Variants in DNAH1 observed in about 807,000 individuals in gnomAD.
The protein encoded by DNAH1 is dynein axonemal heavy chain 1.
A neutral mutation model predicts 484.3 loss-of-function variants in DNAH1; 327 were observed. That is an observed-to-expected ratio of 0.68 (90% confidence interval 0.62 to 0.74). The LOEUF is 0.74. Ranked by LOEUF, DNAH1 falls within the 30% of genes least tolerant of loss-of-function variation. The pLI is 0.00. For synonymous variants in DNAH1, 2,192 were observed against 2,191.9 expected, an observed-to-expected ratio of 1.00 and a Z score of 0.00; for missense variants, 5,052 against 5,546.8, an observed-to-expected ratio of 0.91 and a Z score of 2.83.
chr3:52,365,209 C>A (rs924696601), intron 34 of DNAH1, among the ~76,000 whole-genome samples, 190 bp downstream of exon 34: 4 of 152,222 alleles, frequency 2.6e-5, no homozygotes, highest in Non-Finnish European at 4.4e-5. Context: ...TCCACCAAAA[C>A]CCGCCTGGTG....
chr3:52,325,158 A>T (rs1321382267), intron 3 of DNAH1, among the ~76,000 whole-genome samples: 2 of 152,128 alleles, frequency 1.3e-5, no homozygotes, highest in African/African-American at 2.4e-5. Flanking sequence ...CAGCCTGGTG[A>T]GAGCAGACTC....
At position 52,388,183 on chromosome 3, in the gene DNAH1, T is replaced by C; in HGVS notation, c.9020T>C (p.Val3007Ala). ...FKFDKDNIGD[V>A]VIKAIQPYID... ...CCACCTCAGGACAACATTGGGGATG[T>C]GGTGATCAAAGCCATCCAGCCGTAC... is the stretch of plus-strand genomic sequence containing the variant. The change falls in exon 57 of 78, where the codon GTG becomes GCG. Residue 3007 changes from valine to alanine, a missense_variant. Val to Ala is a moderately conservative substitution (Grantham distance 64). This residue lies in a region of DNAH1 where 2,929 missense variants were observed against 3,409.4 expected (regional missense o/e 0.86). Coordinates refer to ENST00000420323, the MANE Select transcript of DNAH1 (RefSeq NM_015512.5). 6.2e-7 allele frequency: 1 copy of C among 1,609,592 alleles called. No homozygotes were observed. Among genetic ancestry groups the C allele is most frequent in the Non-Finnish European group, 8.5e-7 (1 of 1,178,146 alleles).
In DNAH1 at chr3:52,372,233, T is replaced by A; in HGVS notation, c.6673T>A (p.Cys2225Ser). ...MLLTNKKPVL[C>S]IGPTGTGKTL... The stretch of plus-strand genomic sequence containing the variant: ...GCCATCCCCGCTCTGCCAGGTGCTG[T>A]GCATTGGGCCAACAGGCACGGGGAA... Residue 2225 changes from cysteine (C) to serine (S), a missense_variant, in exon 43 of 78, where the codon TGC (cysteine) becomes AGC (serine). Around this residue, in one of 4 missense-constraint regions of DNAH1, gnomAD observed 2,929 missense variants for 3,409.4 expected, o/e 0.86. Coordinates refer to ENST00000420323, the MANE Select transcript of DNAH1 (RefSeq NM_015512.5). 6.2e-7 allele frequency: 1 copy of A among 1,613,878 alleles called. No homozygotes were observed. Among genetic ancestry groups the A allele is most frequent in the Non-Finnish European group, 8.5e-7 (1 of 1,179,842 alleles).
In DNAH1 at chr3:52,361,072, G is replaced by A; in HGVS notation, c.4686-92G>A. The A allele has an allele frequency of 7.9e-7, 1 of 1,265,066 alleles. No homozygotes were observed. Among genetic ancestry groups the A allele is most frequent in the Non-Finnish European group, 1.0e-6 (1 of 971,562 alleles). 78.4% of individuals were successfully genotyped at this position (1,265,066 alleles called of 1,614,324 possible). A position where few individuals can be genotyped will look rare whatever the true frequency, so the allele number is the denominator to read the frequency against. On this transcript the variant is annotated intron_variant, in intron 28 of 77. Transcript: ENST00000420323. The surrounding 1 kb of genome is among the most constrained non-coding windows in gnomAD (Gnocchi z 5.6). The stretch of plus-strand genomic sequence containing the variant: ...CACCCCAGCCCACCAAAAGGGGACG[G>A]GGCGAGAGGCCCCAGTCCACAGGAA...
chr3:52,366,168 C>T (rs891775417), intron 34 of DNAH1, among the ~76,000 whole-genome samples: 11 of 152,208 alleles, frequency 7.2e-5, no homozygotes, highest in Non-Finnish European at 1.6e-4. Flanking sequence ...TGACAGCTGA[C>T]ACTGAGCAAG....
chr3:52,370,069 G>C, intron 38 of DNAH1, 41 bp from the exon 39 acceptor site: 5 of 1,613,760 alleles, frequency 3.1e-6, no homozygotes, highest in Non-Finnish European at 4.2e-6. Context: ...GCAGGGCACT[G>C]TGGCTGCCAG....
rs371257378 is a variant in DNAH1 at position 52,390,961 on chromosome 3, G to C, written c.9648G>C (p.Leu3216=). ...TCGCTGGCCTCCCCAACGACACACT[G>C]TCAGTGGAGAACGGGGTCATCAACC... ...WQIAGLPNDT[L]SVENGVINQF... The change falls in exon 61 of 78, where the codon CTG becomes CTC. Residue 3216 remains leucine, a synonymous_variant. Transcript: ENST00000420323. The C allele has an allele frequency of 6.4e-7, 1 of 1,552,306 alleles. No homozygotes were observed. The highest frequency in any genetic ancestry group is 2.0e-5 in the Admixed American group (1 of 51,042).
At chr3:52,342,736 C>T (rs1345867410) in intron 8 of DNAH1, among the ~76,000 whole-genome samples, 1 of 151,980 alleles carries the variant, frequency 6.6e-6, no homozygotes, top group Non-Finnish European at 1.5e-5. Context: ...GACAAGGAGG[C>T]TAGTGGGGAT....
chr3:52,349,859 G>A, intron 14 of DNAH1, 130 bp from the exon 15 acceptor site: 1 of 1,352,488 alleles, frequency 7.4e-7, no homozygotes, highest in Non-Finnish European at 1.0e-6. Flanking sequence ...CTCTTGGAAA[G>A]CGCCGCAGGA....
Position 52,391,490 on chromosome 3 carries a change from G to A in DNAH1, c.9939G>A (p.Val3313=). The part of the protein sequence containing the change: ...GNTVLKLGDT[V]IPYHEDFRMY... The stretch of plus-strand genomic sequence containing the variant: ...CGGTGCTGAAGCTGGGGGACACGGT[G>A]ATCCCCTACCATGAGGACTTCAGGA... Residue 3313 remains valine (V), a synonymous_variant, in exon 63 of 78, where the codon GTG becomes GTA. Transcript: ENST00000420323. 2 of 1,613,378 alleles carry A rather than the reference G, an allele frequency of 1.2e-6. No homozygotes were observed. Among genetic ancestry groups the A allele is most frequent in the South Asian group, 1.1e-5 (1 of 90,994 alleles).
chr3:52,388,566 T>C lies in DNAH1; in HGVS notation c.9320T>C (p.Leu3107Pro), dbSNP rs1366406019. ...ATTACCAAGAAGGAGGAGCTGGAGC[T>C]GAAGTGTGAGCAGTGTGAGCAGCGG... The part of the protein sequence containing the change: ...ECITKKEELE[L>P]KCEQCEQRLG... Residue 3107 changes from leucine (L) to proline (P), a missense_variant, in exon 58 of 78, where the codon CTG becomes CCG. Transcript: ENST00000420323. 6.2e-7 allele frequency: 1 copy of C among 1,612,920 alleles called. No individual in the cohort carries two copies. The highest frequency in any genetic ancestry group is 1.3e-5 in the African/African-American group (1 of 75,040).
At chr3:52,343,251 G>A (rs1382076748) in intron 8 of DNAH1, among the ~76,000 whole-genome samples, 1 of 152,094 alleles carries the variant, frequency 6.6e-6, no homozygotes, top group Non-Finnish European at 1.5e-5. Flanking sequence ...AGGAAGTCAA[G>A]GGGCGGCTTC....
chr3:52,318,424 G>A (rs1456511382), intron 1 of DNAH1, among the ~76,000 whole-genome samples: 1 of 152,236 alleles, frequency 6.6e-6, no homozygotes, highest in Non-Finnish European at 1.5e-5. Context: ...CCCATGCTGA[G>A]CACGTGGCAG....
intron 70 of DNAH1, among the ~76,000 whole-genome samples, 178 bp from the exon 71 acceptor site, chr3:52,396,190 T>G (rs936040862): frequency 6.6e-6 from 1 of 151,994 alleles, no homozygotes. Context: ...GCCTTGGCCT[T>G]CCAAAGTGCT....
rs552076854 is a variant in DNAH1, at chr3:52,353,552, C to T, written c.3399C>T (p.Cys1133=). The change falls in exon 20 of 78, where the codon TGC becomes TGT. Residue 1133 remains cysteine, a synonymous_variant. Coordinates refer to ENST00000420323, the MANE Select transcript of DNAH1 (RefSeq NM_015512.5). The surrounding 1 kb of genome is among the most constrained non-coding windows in gnomAD (Gnocchi z 5.0). ...AGGCCAACCTGACCTTTGCTCGCTG[C>T]CTGGAGATGAACCTGCAGGACCATA... ...RPKANLTFAR[C]LEMNLQDHIE... 34 of 1,613,578 alleles carry T rather than the reference C, an allele frequency of 2.1e-5. No homozygotes were observed. In the African/African-American group the frequency reaches 4.1e-4, roughly 20 times the overall value.
Position 52,388,576 on chromosome 3 carries a change from G to A in DNAH1, c.9330G>A (p.Glu3110=), listed in dbSNP as rs762482660. The stretch of plus-strand genomic sequence containing the variant: ...AGGAGGAGCTGGAGCTGAAGTGTGA[G>A]CAGTGTGAGCAGCGGCTGGGCCGAG... ...TKKEELELKC[E]QCEQRLGRAG... is the part of the protein sequence containing the mutation. Residue 3110 remains glutamate (E), a synonymous_variant, in exon 58 of 78, where the codon GAG becomes GAA. Transcript: ENST00000420323. 25 of 1,612,444 alleles carry A rather than the reference G, an allele frequency of 1.6e-5. No individual in the cohort carries two copies. In the Admixed American group the frequency reaches 3.5e-4, roughly 23 times the overall value.
rs370296891 is a variant in DNAH1, at chr3:52,326,811, C to T, written c.658C>T (p.Pro220Ser). The T allele has an allele frequency of 1.2e-5, 19 of 1,613,752 alleles. No homozygotes were observed. The African/African-American group carries it at 2.3e-4, about 19-fold the overall frequency. The part of the protein sequence containing the change: ...SQGIDSNKLM[P>S]RHLDHQHPQT... ...GGGCATCGACTCCAACAAGCTCATG[C>T]CCAGGCACCTGGACCACCAGCACCC... Residue 220 changes from proline to serine, a missense_variant, in exon 5 of 78, where the codon CCC becomes TCC. Around this residue, in one of 4 missense-constraint regions of DNAH1, gnomAD observed 1,263 missense variants for 1,218.8 expected, o/e 1.04. Coordinates refer to ENST00000420323, the MANE Select transcript of DNAH1 (RefSeq NM_015512.5).
chr3:52,397,804 C>T lies in DNAH1; in HGVS notation c.11885C>T (p.Thr3962Met), dbSNP rs759070063. Residue 3962 changes from threonine to methionine, a missense_variant, in exon 74 of 78, where the codon ACG becomes ATG. This residue lies in a region of DNAH1 where 853 missense variants were observed against 899.0 expected (regional missense o/e 0.95). Transcript: ENST00000420323. The stretch of plus-strand genomic sequence containing the variant: ...AACATCACCTTTGCCCAGAACGAGA[C>T]GTTCGCCCTCCTGGGCACCATCATC... ...NANITFAQNE[T>M]FALLGTIIQL... is the part of the protein sequence containing the mutation. 1.2e-5 allele frequency: 19 copies of T among 1,613,634 alleles called. No homozygotes were observed. The highest frequency in any genetic ancestry group is 7.7e-5 in the South Asian group (7 of 91,042).
At position 52,395,111 on chromosome 3, in the gene DNAH1, G is replaced by A. The variant is rs1704562307; in HGVS notation, c.10968+52G>A. 1 of 1,569,092 alleles carries A rather than the reference G, an allele frequency of 6.4e-7. No individual in the cohort carries two copies. Among genetic ancestry groups the A allele is most frequent in the South Asian group, 1.2e-5 (1 of 85,096 alleles). ...GGCACCTTGAGCTTGTCCCCACCCT[G>A]GGTCCCAGGGCCCTGGCTGCATCTG... On this transcript the variant is annotated intron_variant, in intron 68 of 77. Coordinates refer to ENST00000420323, the MANE Select transcript of DNAH1 (RefSeq NM_015512.5). This position sits in a 1 kb window ranked among gnomAD's most constrained non-coding sequence, Gnocchi z 4.4.
Sources: allele counts gnomAD v4.1 joint callset (sites outside exome capture counted in the v4.1 genomes callset), GRCh38; gene constraint gnomAD v4.1.1; regional missense constraint gnomAD v4.1.1; non-coding constraint Gnocchi (gnomAD v3.1); transcripts MANE v1.5; gene names NCBI Gene and HGNC (gene_info 2026-07-23, HGNC 2026-07-21).